KAT14: variants seen among roughly 807,000 people sequenced by gnomAD.
KAT14 encodes the protein cysteine-rich protein 2-binding protein.
Under a neutral mutation model 78.4 loss-of-function variants are expected in KAT14, and 66 were observed. The observed-to-expected ratio is 0.84, with a 90% CI of 0.69 to 1.03. The LOEUF (loss-of-function observed/expected upper bound fraction) is 1.03, where lower values mean the gene tolerates loss of function less well. Ranked by LOEUF, KAT14 falls within the 50% of genes least tolerant of loss-of-function variation. The pLI, the probability that KAT14 is intolerant of heterozygous loss-of-function variation, is 0.00. For synonymous variants in KAT14, 344 were observed against 359.4 expected (o/e 0.96, Z 0.48); for missense variants, 870 against 972.5 (o/e 0.89, Z 1.40).
chr20:18,184,307 A>T (rs919505440), intron 9 of KAT14, among the ~76,000 whole-genome samples: 1 of 152,210 alleles, frequency 6.6e-6, no homozygotes, highest in Non-Finnish European at 1.5e-5. Flanking sequence ...CAAGCCACAC[A>T]TGGTAGAGGA....
chr20:18,138,090 G>A (rs1349380677), intron 1 of KAT14, 39 bp downstream of exon 1: 1 of 1,438,958 alleles, frequency 6.9e-7, no homozygotes, highest in Non-Finnish European at 9.1e-7. Context: ...GCCCGCGCGC[G>A]CGGCGTCGAC....
chr20:18,138,523 T>C, intron 1 of KAT14: 1 of 916,062 alleles, frequency 1.1e-6, no homozygotes. Context: ...TAAAGCCTAA[T>C]GTGTTTTACG....
At chr20:18,157,888 A>G (rs961984945) in intron 4 of KAT14, among the ~76,000 whole-genome samples, 4 of 152,220 alleles carry the variant, frequency 2.6e-5, no homozygotes, top group African/African-American at 9.6e-5. Flanking sequence ...ATAAGAATGT[A>G]GGAGAGGTAC....
At chr20:18,173,192 C>T (rs2038912358) in intron 7 of KAT14, among the ~76,000 whole-genome samples, 1 of 152,192 alleles carries the variant, frequency 6.6e-6, no homozygotes, top group African/African-American at 2.4e-5. Context: ...TTGATATTCA[C>T]TGTGAGAACC....
At position 18,183,270 on chromosome 20, in the gene KAT14, C is replaced by CTCCATGTG. The variant is rs764180532; in HGVS notation, c.1956_1963dup (p.Gln655ProfsTer42). On this transcript the variant is annotated frameshift_variant, in exon 9 of 11. Coordinates refer to ENST00000688188, the MANE Select transcript of KAT14 (RefSeq NM_001392073.1). LOFTEE classifies it high-confidence loss of function. Reference sequence around the variant, plus strand: ...GGCCAAATCACATCCCAACGATCAACTCCATGTGTCAGGAGTTTTTTTGGC... The same window carrying CTCCATGTG: ...GGCCAAATCACATCCCAACGATCAACTCCATGTGTCCATGTGTCAGGAGTTTTTTTGGC... The CTCCATGTG allele has an allele frequency of 6.2e-7, 1 of 1,614,058 alleles. No homozygotes were observed. The highest frequency in any genetic ancestry group is 8.5e-7 in the Non-Finnish European group (1 of 1,179,970).
intron 7 of KAT14, among the ~76,000 whole-genome samples, chr20:18,173,561 A>T (rs1052831987): frequency 6.6e-6 from 1 of 151,994 alleles, no homozygotes; most frequent in African/African-American, 2.4e-5. Flanking sequence ...TGCTTCTTTA[A>T]ATATGTTCCT....
chr20:18,167,236 C>T (rs917236932), intron 7 of KAT14, among the ~76,000 whole-genome samples: 1 of 152,148 alleles, frequency 6.6e-6, no homozygotes, highest in Admixed American at 6.5e-5. Context: ...TGGATTTTAG[C>T]GGGTTCTGTA....
intron 3 of KAT14, among the ~76,000 whole-genome samples, chr20:18,145,998 T>G (rs1250560827): frequency 6.6e-6 from 1 of 152,194 alleles, no homozygotes; most frequent in Admixed American, 6.5e-5. Context: ...GGTGACTGAT[T>G]GCAAAAACCA....
chr20:18,175,006 T>C (rs1329982801), intron 7 of KAT14, among the ~76,000 whole-genome samples: 2 of 152,100 alleles, frequency 1.3e-5, no homozygotes, highest in East Asian at 3.9e-4. Context: ...ATTTTTTTTT[T>C]CCCCGTGAGC....
intron 2 of KAT14, 33 bp downstream of exon 2, chr20:18,142,952 A>C: frequency 6.2e-7 from 1 of 1,603,720 alleles, no homozygotes; most frequent in Non-Finnish European, 8.5e-7. Context: ...TGATTTGTCA[A>C]TTCCTGTGTG....
chr20:18,155,537 G>A (rs1293697250), intron 4 of KAT14, among the ~76,000 whole-genome samples: 4 of 152,114 alleles, frequency 2.6e-5, no homozygotes, highest in Non-Finnish European at 4.4e-5. Flanking sequence ...AAAAGAGATG[G>A]CAGCCATTGT....
In KAT14 at chr20:18,137,982, G is replaced by T. The variant is rs1244647700; in HGVS notation, c.-523G>T. 1 of 1,506,534 alleles carries T rather than the reference G, an allele frequency of 6.6e-7. No individual in the cohort carries two copies. Among genetic ancestry groups the T allele is most frequent in the Non-Finnish European group, 8.8e-7 (1 of 1,134,488 alleles). 93.3% of individuals were successfully genotyped at this position (1,506,534 alleles called of 1,614,324 possible). A position where few individuals can be genotyped will look rare whatever the true frequency, so the allele number is the denominator to read the frequency against. On this transcript the variant is annotated 5_prime_UTR_variant, in exon 1 of 11. Coordinates refer to ENST00000688188, the MANE Select transcript of KAT14 (RefSeq NM_001392073.1). The stretch of plus-strand genomic sequence containing the variant: ...TGTCTAGGAGCTCGAAGGTGGTGCT[G>T]GGCCTCTCGGTGCTGCTGACGGCGG...
At chr20:18,179,337 C>G (rs138647369) in intron 7 of KAT14, among the ~76,000 whole-genome samples, 1,755 of 152,308 alleles carry the variant, frequency 0.012, 44 homozygotes, top group African/African-American at 0.04. Context: ...GCTCTGACCC[C>G]ACATTTCCCC....
rs182438994 is a variant in KAT14 at position 18,163,285 on chromosome 20, C to T, written c.1668+340C>T. On this transcript the variant is annotated intron_variant, in intron 7 of 10. Transcript: ENST00000688188. Reference sequence around the variant, plus strand: ...TTTGACAAATTTGTTGAGGCCATGACGGTGTCTCTGACACTGTGTTGCAGA... The same window carrying T: ...TTTGACAAATTTGTTGAGGCCATGATGGTGTCTCTGACACTGTGTTGCAGA... Among the ~76,000 whole-genome samples the T allele has an allele frequency of 5.3e-5, 8 of 152,232 alleles. 1 individual carries two copies. In the East Asian group the frequency reaches 5.8e-4, roughly 11 times the overall value.
At chr20:18,181,364 CTTTTTTT>C (rs762890490) in intron 7 of KAT14, among the ~76,000 whole-genome samples, 1 of 106,802 alleles carries the variant, frequency 9.4e-6, no homozygotes, top group Admixed American at 1.1e-4. Context: ...AATTTTGTTT[CTTTTTTT>C]TTTTTTTTTT....
Position 18,145,857 on chromosome 20 carries a change from T to A in KAT14, c.378+506T>A, listed in dbSNP as rs373077866. ...CTTGAGAATCTCATGATTTCTTTTA[T>A]ATGTGATACCAAGCTCTGATTATAA... On this transcript the variant is annotated intron_variant, in intron 3 of 10. Transcript: ENST00000688188. Among the ~76,000 whole-genome samples the A allele has an allele frequency of 2.0e-5, 3 of 152,314 alleles. No individual in the cohort carries two copies. The South Asian group carries it at 6.2e-4, about 32-fold the overall frequency.
At chr20:18,160,269 G>A (rs895833575) in intron 5 of KAT14, among the ~76,000 whole-genome samples, 1 of 152,186 alleles carries the variant, frequency 6.6e-6, no homozygotes, top group African/African-American at 2.4e-5. Context: ...TGTAAAGTAT[G>A]AAAGTTCCCC....
intron 9 of KAT14, 138 bp downstream of exon 9, chr20:18,183,436 T>C: frequency 7.5e-7 from 1 of 1,341,106 alleles, no homozygotes; most frequent in Non-Finnish European, 9.6e-7. Flanking sequence ...CATGGAAATA[T>C]TAAAATACAA....
Position 18,142,952 on chromosome 20 carries a change from A to G in KAT14, c.259+33A>G, listed in dbSNP as rs1161996449. On this transcript the variant is annotated intron_variant, in intron 2 of 10. Coordinates refer to ENST00000688188, the MANE Select transcript of KAT14 (RefSeq NM_001392073.1). ...GCTTCTCAATTCCTTTGATTTGTCA[A>G]TTCCTGTGTGAAGGTTTGTTTTTCC... 15 of 1,603,720 alleles carry G rather than the reference A, an allele frequency of 9.4e-6. No homozygotes were observed. In the South Asian group the frequency reaches 1.4e-4, roughly 15 times the overall value.
Sources: gnomAD v4.1 joint callset for allele counts (sites outside exome capture counted in the v4.1 genomes callset) on GRCh38, gnomAD v4.1.1 for gene constraint, MANE v1.5 for transcripts, NCBI Gene and HGNC (gene_info 2026-07-23, HGNC 2026-07-21) for gene names.